Variants in POLR2F observed in about 807,000 individuals in gnomAD.
POLR2F encodes the protein DNA-directed RNA polymerases I, II, and III subunit RPABC2.
POLR2F carries 12 observed loss-of-function variants against 22.7 expected under a neutral mutation model. That is an observed-to-expected ratio of 0.53 (90% CI 0.34 to 0.86). The LOEUF (loss-of-function observed/expected upper bound fraction) is 0.86. Among genes scored for constraint, POLR2F ranks in the 40% least tolerant of loss-of-function variants. The probability of loss-of-function intolerance (pLI) is 0.02; values close to 1 mark genes in which losing one functional copy is unlikely to be tolerated. For synonymous variants in POLR2F, 57 were observed against 66.0 expected (o/e 0.86, Z 0.66); for missense variants, 126 against 171.5 (o/e 0.73, Z 1.48).
chr22:38,026,421 A>G (rs933304599), exon 3 of POLR2F: 1 of 448,644 alleles, frequency 2.2e-6, no homozygotes, highest in African/African-American at 2.0e-5. Flanking sequence ...TCTGGGTCTC[A>G]GTTTCCCCCT....
At position 38,006,727 on chromosome 22, in the gene POLR2F, G is replaced by A. The variant is rs554077988; in HGVS notation, c.121-19142G>A. ...GGAGGCAGCAACGGGGGAAGGACAG[G>A]GAACAGAACTTGGGTCAGCAACCAT... is the stretch of plus-strand genomic sequence containing the variant. On this transcript the variant is annotated intron_variant, in intron 1 of 2. Coordinates refer to the POLR2F transcript ENST00000333418. Among the ~76,000 whole-genome samples the A allele has an allele frequency of 2.9e-4, 44 of 152,316 alleles. No homozygotes were observed. In the South Asian group the frequency reaches 9.1e-3, roughly 32 times the overall value.
intron 5 of POLR2F, chr22:38,041,024 G>A (rs1187436498): frequency 1.9e-6 from 3 of 1,612,790 alleles, no homozygotes; most frequent in Admixed American, 1.7e-5. Flanking sequence ...CCTCAACACA[G>A]TGAAGGAAGA....
exon 2 of POLR2F, chr22:38,026,004 T>A: frequency 1.8e-6 from 1 of 561,108 alleles, no homozygotes; most frequent in South Asian, 1.4e-5. Context: ...CCTGGAATCT[T>A]CCCCTCGTGC....
At chr22:37,991,216 T>TGCCTAA (rs139890) in intron 1 of POLR2F, among the ~76,000 whole-genome samples, 1 of 151,892 alleles carries the variant, frequency 6.6e-6, no homozygotes, top group Non-Finnish European at 1.5e-5. Flanking sequence ...CCACCTCCTG[T>TGCCTAA]GCAATTCTCC....
In POLR2F at chr22:37,967,173, A is replaced by G. The variant is rs1280437816; in HGVS notation, c.293+3A>G. ...CTCATTGCCATGAAGGAACTCAAGT[A>G]AGTCACTCAAATCATGGTTCACTTC... On this transcript the variant is annotated splice_donor_region_variant and intron_variant, in intron 4 of 4. Transcript: ENST00000442738. The G allele has an allele frequency of 6.2e-7, 1 of 1,612,234 alleles. No individual in the cohort carries two copies. Among genetic ancestry groups the G allele is most frequent in the African/African-American group, 1.3e-5 (1 of 74,882 alleles).
chr22:38,025,996 T>C, exon 2 of POLR2F: 1 of 570,186 alleles, frequency 1.8e-6, no homozygotes, highest in Non-Finnish European at 3.5e-6. Flanking sequence ...CAGAGGGCCC[T>C]GGAATCTTCC....
upstream of POLR2F, chr22:37,983,335 C>A: frequency 1.3e-6 from 2 of 1,595,920 alleles, no homozygotes; most frequent in Non-Finnish European, 8.5e-7. The surrounding 1 kb of genome is among the most constrained non-coding windows in gnomAD (Gnocchi z 9.5). Flanking sequence ...GGCCCGAGCC[C>A]GGGGGGCGGT....
downstream of POLR2F, chr22:37,972,167 A>C: frequency 1.2e-6 from 1 of 808,880 alleles, no homozygotes; most frequent in Non-Finnish European, 1.8e-6. Context: ...GGGGGTGGGG[A>C]AAGAGGGAGG....
At chr22:38,020,198 CACATATAT>C (rs1200524730) in intron 1 of POLR2F, among the ~76,000 whole-genome samples, 21 of 119,582 alleles carry the variant, frequency 1.8e-4, no homozygotes, top group African/African-American at 7.7e-4. Flanking sequence ...AATACACACA[CACATATAT>C]ACACACACAC....
At chr22:37,983,823 C>A (rs1289952577), upstream of POLR2F, 38 of 1,372,060 alleles carry the variant, frequency 2.8e-5, no homozygotes, top group Non-Finnish European at 3.5e-5. This position sits in a 1 kb window ranked among gnomAD's most constrained non-coding sequence, Gnocchi z 9.5. Flanking sequence ...TCGGCCGCCT[C>A]CCCCGGGCCA....
At chr22:37,966,371 A>G (rs1931852583) in intron 3 of POLR2F, among the ~76,000 whole-genome samples, 1 of 146,268 alleles carries the variant, frequency 6.8e-6, no homozygotes, top group South Asian at 2.4e-4. Flanking sequence ...AAGGGGAGTC[A>G]TGACAGTGTT....
chr22:38,037,794 C>A (rs1023774151), intron 5 of POLR2F, among the ~76,000 whole-genome samples: 2 of 152,052 alleles, frequency 1.3e-5, no homozygotes, highest in Admixed American at 1.3e-4. Context: ...GGTTTCACCA[C>A]GTTGGCCAGG....
chr22:37,960,547 G>A (rs1438528664), intron 3 of POLR2F, among the ~76,000 whole-genome samples: 2 of 150,838 alleles, frequency 1.3e-5, no homozygotes, highest in Non-Finnish European at 3.0e-5. Flanking sequence ...ACAGGCGCCC[G>A]CCACCGTGCC....
At chr22:38,005,376 C>T (rs1207552792) in intron 1 of POLR2F, among the ~76,000 whole-genome samples, 1 of 152,238 alleles carries the variant, frequency 6.6e-6, no homozygotes, top group Admixed American at 6.5e-5. Flanking sequence ...CTGCCCACCT[C>T]AGCCTCCCAA....
intron 3 of POLR2F, among the ~76,000 whole-genome samples, chr22:37,964,034 G>A (rs113379901): frequency 0.035 from 5,286 of 151,870 alleles, 305 homozygotes; most frequent in African/African-American, 0.12. Context: ...CCTGGGAGGC[G>A]GAGGTTGCAC....
At chr22:38,009,754 G>A (rs2084855357) in intron 1 of POLR2F, among the ~76,000 whole-genome samples, 1 of 152,088 alleles carries the variant, frequency 6.6e-6, no homozygotes, top group Non-Finnish European at 1.5e-5. Context: ...TATCTAAATG[G>A]AATCATACAG....
intron 5 of POLR2F, chr22:38,040,864 T>C: frequency 1.4e-6 from 1 of 722,576 alleles, no homozygotes; most frequent in Non-Finnish European, 2.3e-6. Flanking sequence ...ATGGCAGCTT[T>C]TATAAAACGT....
rs1416574869 is a variant in POLR2F, at chr22:37,986,769, A to G, written c.120+457A>G. On this transcript the variant is annotated intron_variant, in intron 1 of 2. Transcript: ENST00000333418. The surrounding 1 kb of genome is among the most constrained non-coding windows in gnomAD (Gnocchi z 4.7). The stretch of plus-strand genomic sequence containing the variant: ...TGTGTGGTTGGGGCCCCTGCTGCGA[A>G]CACATCCCTGCCCACCATGCTGGCA... 8.6e-6 allele frequency: 4 copies of G among 467,364 alleles called. No individual in the cohort carries two copies. The highest frequency in any genetic ancestry group is 4.7e-5 in the Admixed American group (2 of 42,850). The allele number at this position is 467,364 out of a possible 1,614,324, so 29.0% of individuals were successfully genotyped here. A position where few individuals can be genotyped will look rare whatever the true frequency, so the allele number is the denominator to read the frequency against.
chr22:38,005,339 G>C (rs527589753), intron 1 of POLR2F, among the ~76,000 whole-genome samples: 120 of 152,352 alleles, frequency 7.9e-4, no homozygotes, highest in Middle Eastern at 6.8e-3. Flanking sequence ...TGGTCAGGCT[G>C]ATGTCAAATT....
Sources: allele counts gnomAD v4.1 joint callset (sites outside exome capture counted in the v4.1 genomes callset), GRCh38; gene constraint gnomAD v4.1.1; non-coding constraint Gnocchi (gnomAD v3.1); transcripts MANE v1.5; gene names NCBI Gene and HGNC (gene_info 2026-07-23, HGNC 2026-07-21).